Variants in CAMTA2 observed in about 807,000 individuals in gnomAD.
CAMTA2 encodes the protein calmodulin binding transcription activator 2.
CAMTA2 carries 56 observed loss-of-function variants against 135.7 expected under a neutral mutation model. The ratio of observed to expected loss-of-function variants is 0.41; its 90% CI spans 0.33 to 0.52. The LOEUF is 0.52. Among genes scored for constraint, CAMTA2 ranks in the 20% least tolerant of loss-of-function variants. The probability of loss-of-function intolerance (pLI) is 0.16; values close to 1 mark genes in which losing one functional copy is unlikely to be tolerated. For synonymous variants in CAMTA2, 591 were observed against 604.6 expected, an observed-to-expected ratio of 0.98 and a Z score of 0.33; for missense variants, 1,358 against 1,553.4, an observed-to-expected ratio of 0.87 and a Z score of 2.11.
At chr17:4,968,863 G>GC (rs1192371474) in intron 22 of CAMTA2, 44 bp from the exon 23 acceptor site, 6 of 1,612,018 alleles carry the variant, frequency 3.7e-6, no homozygotes, top group Non-Finnish European at 5.1e-6. Flanking sequence ...GGCGGATCAC[G>GC]ACGGGTGGCA....
At chr17:4,987,080 G>C in intron 1 of CAMTA2, 1 of 1,397,206 alleles carries the variant, frequency 7.2e-7, no homozygotes, top group Non-Finnish European at 9.2e-7. Flanking sequence ...GGCCCGTCGG[G>C]CTCGGCTATG....
At chr17:4,984,380 A>G (rs762989715) in intron 3 of CAMTA2, among the ~76,000 whole-genome samples, 4 of 152,182 alleles carry the variant, frequency 2.6e-5, no homozygotes, top group Non-Finnish European at 1.5e-5. Flanking sequence ...CTTCCTGAAC[A>G]TGCTTTGAAT....
Position 4,979,524 on chromosome 17 carries a change from AAAAAAGAG to A in CAMTA2, c.1638+152_1638+159del. 6.5e-6 allele frequency: 3 copies of A among 462,790 alleles called. No individual in the cohort carries two copies. In the East Asian group the frequency reaches 1.0e-4, roughly 16 times the overall value. 28.7% of individuals were successfully genotyped at this position (462,790 alleles called of 1,614,324 possible). ...AAACTGTCTCAAAAAAAAAAAAAAAAAAAAAGAGAGAGATTAGGTAGAGGACTAAGAAG... is the reference window on the plus strand; with the variant it reads ...AAACTGTCTCAAAAAAAAAAAAAAAAAGAGATTAGGTAGAGGACTAAGAAG... On this transcript the variant is annotated intron_variant, in intron 9 of 22. Transcript: ENST00000348066.
chr17:4,973,456 A>T (rs999877949), intron 13 of CAMTA2, 129 bp downstream of exon 13: 19 of 1,002,290 alleles, frequency 1.9e-5, no homozygotes, highest in Non-Finnish European at 2.7e-5. Context: ...GTCCTCTCCC[A>T]ACCCCCTCCC....
In CAMTA2 at chr17:4,969,372, TAGAG is replaced by T. The variant is rs1567681402; in HGVS notation, c.3283-39_3283-36del. On this transcript the variant is annotated intron_variant, in intron 20 of 22. Coordinates refer to ENST00000348066, the MANE Select transcript of CAMTA2 (RefSeq NM_015099.4). The surrounding 1 kb of genome is among the most constrained non-coding windows in gnomAD (Gnocchi z 5.6). ...TGGGGAGGAGGGACAGGGGCTGAAA[TAGAG>T]GGACGGAGACCCAAAGCCCTGAGGC... 1 of 1,611,546 alleles carries T rather than the reference TAGAG, an allele frequency of 6.2e-7. No homozygotes were observed. Among genetic ancestry groups the T allele is most frequent in the East Asian group, 2.2e-5 (1 of 44,860 alleles).
chr17:4,983,082 CAG>C (rs772309211), intron 3 of CAMTA2, 39 bp from the exon 4 acceptor site: 34 of 1,539,866 alleles, frequency 2.2e-5, no homozygotes, highest in Admixed American at 2.2e-4. Flanking sequence ...ATCTCCTTCA[CAG>C]AGAGTCTCAG....
intron 9 of CAMTA2, chr17:4,979,450 C>T (rs1972821664): frequency 6.2e-6 from 2 of 320,902 alleles, no homozygotes; most frequent in Non-Finnish European, 1.1e-5. Flanking sequence ...GCGGAGGTTG[C>T]AGTGAGCCAA....
chr17:4,983,963 T>A (rs543415145), intron 3 of CAMTA2, among the ~76,000 whole-genome samples: 2 of 151,780 alleles, frequency 1.3e-5, no homozygotes, highest in South Asian at 4.2e-4. Context: ...ATTTATTTAT[T>A]TTTTTGAGAC....
At chr17:4,982,188 GA>G in intron 5 of CAMTA2, 28 bp from the exon 6 acceptor site, 1 of 537,506 alleles carries the variant, frequency 1.9e-6, no homozygotes, top group Non-Finnish European at 3.7e-6. Flanking sequence ...GGGGTGGGGG[GA>G]GGGCTAGTCT....
At position 4,980,565 on chromosome 17, in the gene CAMTA2, T is replaced by C; in HGVS notation, c.757A>G (p.Lys253Glu). Residue 253 changes from lysine to glutamate, a missense_variant, in exon 9 of 23, where the codon AAA becomes GAA. Coordinates refer to ENST00000348066, the MANE Select transcript of CAMTA2 (RefSeq NM_015099.4). This position sits in a 1 kb window ranked among gnomAD's most constrained non-coding sequence, Gnocchi z 5.3. ...SSTKHRIISP[K>E]VEPRALTLTS... ...AGGGTTAAAGCTCGGGGCTCCACTTTGGGAGAGATGATGCGGTGTTTCGTG... is the reference window on the plus strand; with the variant it reads ...AGGGTTAAAGCTCGGGGCTCCACTTCGGGAGAGATGATGCGGTGTTTCGTG... The C allele has an allele frequency of 6.2e-7, 1 of 1,613,954 alleles. No homozygotes were observed. The highest frequency in any genetic ancestry group is 8.5e-7 in the Non-Finnish European group (1 of 1,179,972).
At chr17:4,982,033 C>T in intron 6 of CAMTA2, 56 bp downstream of exon 6, 1 of 1,405,546 alleles carries the variant, frequency 7.1e-7, no homozygotes, top group Non-Finnish European at 1.0e-6. Context: ...TCTTTCAGAC[C>T]CGTGTCCCTC....
At chr17:4,987,022 G>A in intron 1 of CAMTA2, 1 of 1,429,702 alleles carries the variant, frequency 7.0e-7, no homozygotes, top group East Asian at 2.8e-5. Flanking sequence ...AGCTGGCGGA[G>A]GCTCTCAGCA....
Position 4,968,663 on chromosome 17 carries a change from C to A in CAMTA2, c.*93G>T. On this transcript the variant is annotated 3_prime_UTR_variant, in exon 23 of 23. Coordinates refer to ENST00000348066, the MANE Select transcript of CAMTA2 (RefSeq NM_015099.4). ...GCTCCAACAAAGGTGAACAGGAAAGCTGCCGACAGGGGCTCCCCCTGCCCC... is the reference window on the plus strand; with the variant it reads ...GCTCCAACAAAGGTGAACAGGAAAGATGCCGACAGGGGCTCCCCCTGCCCC... 6.8e-7 allele frequency: 1 copy of A among 1,459,936 alleles called. No homozygotes were observed. The highest frequency in any genetic ancestry group is 9.5e-7 in the Non-Finnish European group (1 of 1,053,514). 90.4% of individuals were successfully genotyped at this position (1,459,936 alleles called of 1,614,324 possible).
chr17:4,985,289 G>A (rs914858628), intron 3 of CAMTA2, among the ~76,000 whole-genome samples: 3 of 152,280 alleles, frequency 2.0e-5, no homozygotes, highest in African/African-American at 7.2e-5. Context: ...AGAACCGTTA[G>A]AGGATTAAAT....
At chr17:4,979,503 T>G (rs1972824832) in intron 9 of CAMTA2, 181 bp downstream of exon 9, 2 of 405,586 alleles carry the variant, frequency 4.9e-6, no homozygotes, top group South Asian at 4.1e-5. Flanking sequence ...AGAGCGAAAC[T>G]GTCTCAAAAA....
intron 8 of CAMTA2, among the ~76,000 whole-genome samples, 160 bp downstream of exon 8, chr17:4,981,065 A>C (rs913368379): frequency 6.6e-6 from 1 of 152,164 alleles, no homozygotes; most frequent in Non-Finnish European, 1.5e-5. Context: ...GCCAGTGTGC[A>C]CCCAGATGGG....
At chr17:4,968,844 G>C in intron 22 of CAMTA2, 25 bp from the exon 23 acceptor site, 1 of 1,613,188 alleles carries the variant, frequency 6.2e-7, no homozygotes, top group Non-Finnish European at 8.5e-7. Flanking sequence ...ATAGGAGTCA[G>C]AGGAGACTGG....
chr17:4,980,511 C>T lies in CAMTA2; in HGVS notation c.811G>A (p.Glu271Lys), dbSNP rs200808244. ...LTSIPHAHPP[E>K]PPPLIAPLPP... Reference sequence around the variant, plus strand: ...AGTGGGGCTATCAGTGGAGGAGGCTCTGGGGGGTGAGCGTGGGGGATAGAG... The same window carrying T: ...AGTGGGGCTATCAGTGGAGGAGGCTTTGGGGGGTGAGCGTGGGGGATAGAG... Residue 271 changes from glutamate to lysine, a missense_variant, in exon 9 of 23, where the codon GAG (glutamate) becomes AAG (lysine). Glu to Lys is a moderately conservative substitution (Grantham distance 56, BLOSUM62 1). Coordinates refer to ENST00000348066, the MANE Select transcript of CAMTA2 (RefSeq NM_015099.4). The surrounding 1 kb of genome is among the most constrained non-coding windows in gnomAD (Gnocchi z 5.3). 4 of 1,477,634 alleles carry T rather than the reference C, an allele frequency of 2.7e-6. No homozygotes were observed. The highest frequency in any genetic ancestry group is 3.5e-5 in the African/African-American group (2 of 57,876). 91.5% of individuals were successfully genotyped at this position (1,477,634 alleles called of 1,614,324 possible).
In CAMTA2 at chr17:4,978,750, G is replaced by C. The variant is rs1023881571; in HGVS notation, c.1639-120C>G. On this transcript the variant is annotated intron_variant, in intron 9 of 22. Transcript: ENST00000348066. ...GGCAGGTCCTGTGCTAGAGTCTGGG[G>C]GTCCAGGGATAGACAGGACCCAGTG... 5.2e-6 allele frequency: 6 copies of C among 1,159,754 alleles called. No individual in the cohort carries two copies. In the African/African-American group the frequency reaches 9.2e-5, roughly 18 times the overall value. 71.8% of individuals were successfully genotyped at this position (1,159,754 alleles called of 1,614,324 possible).
Sources: allele counts gnomAD v4.1 joint callset (sites outside exome capture counted in the v4.1 genomes callset), GRCh38; gene constraint gnomAD v4.1.1; non-coding constraint Gnocchi (gnomAD v3.1); transcripts MANE v1.5; gene names NCBI Gene and HGNC (gene_info 2026-07-23, HGNC 2026-07-21).